Variants in HS3ST4 observed in about 807,000 individuals in gnomAD.
HS3ST4 encodes the protein heparan sulfate-glucosamine 3-sulfotransferase 4.
In HS3ST4, 17 loss-of-function variants were observed where a neutral mutation model predicts 29.2. That is an observed-to-expected ratio of 0.58 (90% CI 0.40 to 0.87). The LOEUF (loss-of-function observed/expected upper bound fraction) is 0.87, where lower values mean the gene tolerates loss of function less well. Among genes scored for constraint, HS3ST4 ranks in the 40% least tolerant of loss-of-function variants. HS3ST4 has a pLI of 0.00. For synonymous variants in HS3ST4, 314 were observed against 285.7 expected (o/e 1.10, Z -1.00); for missense variants, 627 against 634.5 (o/e 0.99, Z 0.13).
intron 1 of HS3ST4, among the ~76,000 whole-genome samples, chr16:25,832,363 G>A (rs1373941753): frequency 1.3e-5 from 2 of 152,206 alleles, no homozygotes; most frequent in African/African-American, 4.8e-5. Flanking sequence ...GGCTGGCGGA[G>A]AGGCTAGGGC....
At position 25,958,383 on chromosome 16, in the gene HS3ST4, G is replaced by A. The variant is rs574957879; in HGVS notation, c.735-177229G>A. 3.9e-5 allele frequency among the ~76,000 whole-genome samples: 6 copies of A among 152,264 alleles called. No individual in the cohort carries two copies. The South Asian group carries it at 1.0e-3, about 26-fold the overall frequency. On this transcript the variant is annotated intron_variant, in intron 1 of 1. Coordinates refer to ENST00000331351, the MANE Select transcript of HS3ST4 (RefSeq NM_006040.3). ...GTCTTGCCCTGTCACCCAGGCTGGAGTGCAGTGGTGTGATCTCGGCTCACT... is the reference window on the plus strand; with the variant it reads ...GTCTTGCCCTGTCACCCAGGCTGGAATGCAGTGGTGTGATCTCGGCTCACT...
At chr16:26,040,129 T>G (rs1969622287) in intron 1 of HS3ST4, among the ~76,000 whole-genome samples, 1 of 152,222 alleles carries the variant, frequency 6.6e-6, no homozygotes, top group Admixed American at 6.5e-5. Context: ...GCATATTTAC[T>G]GGGATAAAAT....
intron 1 of HS3ST4, among the ~76,000 whole-genome samples, chr16:25,823,795 C>T (rs1373382966): frequency 6.6e-6 from 1 of 152,206 alleles, no homozygotes; most frequent in Non-Finnish European, 1.5e-5. Flanking sequence ...AACTCCTGAC[C>T]TCAGGTGATC....
intron 1 of HS3ST4, among the ~76,000 whole-genome samples, chr16:25,947,776 TG>T (rs563932665): frequency 4.5e-4 from 69 of 152,262 alleles, no homozygotes; most frequent in African/African-American, 1.6e-3. Flanking sequence ...ATAGTATATG[TG>T]GGTGGTCAAG....
intron 1 of HS3ST4, among the ~76,000 whole-genome samples, chr16:25,822,032 C>T (rs1378757888): frequency 6.6e-6 from 1 of 152,172 alleles, no homozygotes. Flanking sequence ...TTTTCATCCT[C>T]TCCTGTATTT....
At chr16:25,743,139 C>T (rs141124742) in intron 1 of HS3ST4, among the ~76,000 whole-genome samples, 18 of 152,332 alleles carry the variant, frequency 1.2e-4, no homozygotes, top group Non-Finnish European at 2.2e-4. Flanking sequence ...GGAAACCTTG[C>T]ATGTTTCAGT....
intron 1 of HS3ST4, among the ~76,000 whole-genome samples, chr16:25,958,151 G>C (rs963451500): frequency 3.3e-5 from 5 of 152,168 alleles, no homozygotes; most frequent in African/African-American, 4.8e-5. Context: ...TAGGAAGAGA[G>C]AGAAATATTG....
chr16:25,777,412 AGTGTGTGTGTGTGTGT>A (rs56191219), intron 1 of HS3ST4, among the ~76,000 whole-genome samples: 9 of 147,882 alleles, frequency 6.1e-5, no homozygotes, highest in Admixed American at 1.4e-4. Context: ...AGCACACCAA[AGTGTGTGTGTGTGTGT>A]GTGTGTGTGT....
chr16:26,038,368 A>T (rs1187701788), intron 1 of HS3ST4, among the ~76,000 whole-genome samples: 2 of 150,666 alleles, frequency 1.3e-5, no homozygotes, highest in African/African-American at 2.5e-5. Context: ...CGGTGCATTT[A>T]CTTGTTGATT....
At chr16:26,118,115 G>C (rs1310499262) in intron 1 of HS3ST4, among the ~76,000 whole-genome samples, 1 of 152,158 alleles carries the variant, frequency 6.6e-6, no homozygotes, top group African/African-American at 2.4e-5. Flanking sequence ...GCCCACTCTG[G>C]AGTGCAGTGG....
At chr16:26,050,685 C>T (rs952052733) in intron 1 of HS3ST4, among the ~76,000 whole-genome samples, 1 of 152,152 alleles carries the variant, frequency 6.6e-6, no homozygotes, top group Non-Finnish European at 1.5e-5. Context: ...GCTCCTTGAG[C>T]CTCAGCATTC....
At chr16:25,713,012 A>G (rs1026644693) in intron 1 of HS3ST4, among the ~76,000 whole-genome samples, 3 of 152,076 alleles carry the variant, frequency 2.0e-5, no homozygotes, top group Non-Finnish European at 4.4e-5. Flanking sequence ...GACAGCTATC[A>G]TATTTCACCC....
At chr16:25,888,581 G>C (rs1165128335) in intron 1 of HS3ST4, among the ~76,000 whole-genome samples, 3 of 152,226 alleles carry the variant, frequency 2.0e-5, no homozygotes, top group Non-Finnish European at 2.9e-5. Flanking sequence ...CTCTCACTGA[G>C]GGCAGGGTGC....
At chr16:25,911,546 G>A (rs12923276) in intron 1 of HS3ST4, among the ~76,000 whole-genome samples, 34,612 of 128,546 alleles carry the variant, frequency 0.27, 4,759 homozygotes, top group East Asian at 0.66. Flanking sequence ...TCACTCTGTC[G>A]CCCAGGCTGG....
At chr16:26,132,566 T>A (rs979271485) in intron 1 of HS3ST4, among the ~76,000 whole-genome samples, 6 of 152,182 alleles carry the variant, frequency 3.9e-5, no homozygotes, top group Non-Finnish European at 8.8e-5. Flanking sequence ...ATATGTTGGG[T>A]ACCATTTTGT....
At chr16:25,789,626 T>A (rs1173554333) in intron 1 of HS3ST4, among the ~76,000 whole-genome samples, 3 of 152,030 alleles carry the variant, frequency 2.0e-5, no homozygotes, top group African/African-American at 7.2e-5. Context: ...TGTACATGAA[T>A]GTGCCTAAAT....
chr16:25,951,811 G>T (rs1303112940), intron 1 of HS3ST4, among the ~76,000 whole-genome samples: 1 of 152,074 alleles, frequency 6.6e-6, no homozygotes, highest in Admixed American at 6.5e-5. Flanking sequence ...CCAAGAGTTG[G>T]CAAACTATAG....
intron 1 of HS3ST4, among the ~76,000 whole-genome samples, chr16:25,958,408 T>C (rs1321015909): frequency 6.6e-6 from 1 of 151,538 alleles, no homozygotes; most frequent in Non-Finnish European, 1.5e-5. Flanking sequence ...CTCGGCTCAC[T>C]GCAACCTCTG....
chr16:25,746,904 A>G (rs1189775769), intron 1 of HS3ST4, among the ~76,000 whole-genome samples: 3 of 152,142 alleles, frequency 2.0e-5, no homozygotes, highest in Non-Finnish European at 2.9e-5. Flanking sequence ...GCTGAAATGC[A>G]GTGGCATAAT....
Sources: gnomAD v4.1 joint callset for allele counts (sites outside exome capture counted in the v4.1 genomes callset) on GRCh38, gnomAD v4.1.1 for gene constraint, MANE v1.5 for transcripts, NCBI Gene and HGNC (gene_info 2026-07-23, HGNC 2026-07-21) for gene names.